Variants in ABCC4 observed in about 807,000 individuals in gnomAD.
ABCC4 encodes the protein ATP binding cassette subfamily C member 4 (PEL blood group), also known as ATP-binding cassette sub-family C member 4.
In ABCC4, 102 loss-of-function variants were observed where a neutral mutation model predicts 168.5. The observed-to-expected ratio is 0.61, with a 90% CI of 0.52 to 0.71. The LOEUF (loss-of-function observed/expected upper bound fraction) is 0.71, where lower values mean the gene tolerates loss of function less well. ABCC4 is among the 30% of genes least tolerant of loss of function. The probability of loss-of-function intolerance (pLI) is 0.00; values close to 1 mark genes in which losing one functional copy is unlikely to be tolerated. For missense variants in ABCC4, 1,402 were observed against 1,605.8 expected, an observed-to-expected ratio of 0.87 and a Z score of 2.17; for synonymous variants, 617 against 590.7, an observed-to-expected ratio of 1.04 and a Z score of -0.65.
chr13:95,170,440 TGAG>T (rs1453376909), intron 14 of ABCC4, 89 bp downstream of exon 14: 9 of 717,932 alleles, frequency 1.3e-5, no homozygotes, highest in Non-Finnish European at 2.0e-5. Flanking sequence ...ATCCCAGCTC[TGAG>T]AAGAAAGGAA....
intron 19 of ABCC4, among the ~76,000 whole-genome samples, chr13:95,159,469 T>C (rs1055248600): frequency 6.6e-6 from 1 of 151,598 alleles, no homozygotes; most frequent in African/African-American, 2.4e-5. Flanking sequence ...ACCTCCAAGA[T>C]TTAGACTGGG....
rs930160737 is a variant in ABCC4, at chr13:95,176,914, G to C, written c.1727+793C>G. Among the ~76,000 whole-genome samples, 4 of 152,324 alleles carry C rather than the reference G, an allele frequency of 2.6e-5. No individual in the cohort carries two copies. The South Asian group carries it at 6.2e-4, about 24-fold the overall frequency. ...AGGAAGTGTCAGTCGGCACACATGA[G>C]TTTATAGAATATACAGAAAAGATTC... On this transcript the variant is annotated intron_variant, in intron 13 of 30. Transcript: ENST00000645237.
intron 1 of ABCC4, among the ~76,000 whole-genome samples, chr13:95,282,461 G>C (rs16950894): frequency 0.017 from 2,590 of 152,252 alleles, 63 homozygotes; most frequent in African/African-American, 0.056. Context: ...GAAAATACCA[G>C]TGTGTCACAT....
At chr13:95,069,657 C>T (rs1253227207) in intron 25 of ABCC4, among the ~76,000 whole-genome samples, 1 of 152,128 alleles carries the variant, frequency 6.6e-6, no homozygotes, top group Non-Finnish European at 1.5e-5. Flanking sequence ...TTTCTGTCTC[C>T]ATGACTAACT....
intron 19 of ABCC4, among the ~76,000 whole-genome samples, chr13:95,143,089 G>A (rs1334285072): frequency 6.6e-6 from 1 of 152,120 alleles, no homozygotes; most frequent in Non-Finnish European, 1.5e-5. Context: ...ATTGGTACAT[G>A]TGTGACTCTA....
At chr13:95,198,997 T>C (rs2038541644) in intron 8 of ABCC4, among the ~76,000 whole-genome samples, 1 of 152,016 alleles carries the variant, frequency 6.6e-6, no homozygotes, top group Non-Finnish European at 1.5e-5. Context: ...TTAGGACAAA[T>C]ACTGAATGCA....
chr13:95,256,997 C>A (rs1307077227), intron 1 of ABCC4, among the ~76,000 whole-genome samples: 2 of 152,180 alleles, frequency 1.3e-5, no homozygotes, highest in South Asian at 2.1e-4. Context: ...GAATAATATA[C>A]AATTGATCCT....
At chr13:95,237,058 T>C (rs959450468) in intron 3 of ABCC4, among the ~76,000 whole-genome samples, 1 of 152,160 alleles carries the variant, frequency 6.6e-6, no homozygotes, top group Non-Finnish European at 1.5e-5. Context: ...TGTTACCTGT[T>C]ACACGCTTCT....
intron 19 of ABCC4, among the ~76,000 whole-genome samples, chr13:95,122,622 G>A (rs781151255): frequency 4.2e-4 from 64 of 152,224 alleles, no homozygotes; most frequent in South Asian, 1.9e-3. Flanking sequence ...GTTCCCATCA[G>A]GGGGCCTTCC....
At chr13:95,243,921 T>A (rs1372186811) in intron 3 of ABCC4, among the ~76,000 whole-genome samples, 1 of 148,336 alleles carries the variant, frequency 6.7e-6, no homozygotes, top group African/African-American at 2.5e-5. Flanking sequence ...GAGTTCGTGG[T>A]CAACCTGAAT....
intron 24 of ABCC4, 107 bp from the exon 25 acceptor site, chr13:95,071,960 A>G: frequency 1.1e-6 from 1 of 898,500 alleles, no homozygotes; most frequent in Non-Finnish European, 1.6e-6. Flanking sequence ...TTGGTTAAGG[A>G]GAGAAGCAGG....
chr13:95,126,737 A>ATATG (rs2035782896), intron 19 of ABCC4, among the ~76,000 whole-genome samples: 1 of 130,732 alleles, frequency 7.6e-6, no homozygotes, highest in Non-Finnish European at 1.6e-5. Context: ...ATATATATAT[A>ATATG]TATATATATA....
chr13:95,211,364 G>A (rs983938579), intron 4 of ABCC4, among the ~76,000 whole-genome samples: 1 of 152,282 alleles, frequency 6.6e-6, no homozygotes, highest in Admixed American at 6.5e-5. Context: ...CCAGACACCT[G>A]TGATTCAACT....
chr13:95,074,580 T>C (rs770764727), intron 22 of ABCC4, among the ~76,000 whole-genome samples: 2 of 152,164 alleles, frequency 1.3e-5, no homozygotes, highest in South Asian at 2.1e-4. Flanking sequence ...CTGAGAAAAG[T>C]AGTCTCATAA....
At chr13:95,152,504 G>A (rs1355688201) in intron 19 of ABCC4, among the ~76,000 whole-genome samples, 1 of 152,138 alleles carries the variant, frequency 6.6e-6, no homozygotes, top group East Asian at 1.9e-4. Flanking sequence ...GGAAAACAAG[G>A]CAAGGAAGAC....
At chr13:95,120,325 G>C (rs112411014) in intron 19 of ABCC4, among the ~76,000 whole-genome samples, 5,417 of 152,224 alleles carry the variant, frequency 0.036, 142 homozygotes, top group Non-Finnish European at 0.053. Context: ...CCAGCACTTT[G>C]GGAGGCTGAG....
intron 14 of ABCC4, 47 bp from the exon 15 acceptor site, chr13:95,166,414 A>G: frequency 6.8e-7 from 1 of 1,472,470 alleles, no homozygotes; most frequent in African/African-American, 1.4e-5. Flanking sequence ...TGCAGGTGAT[A>G]ATGTTAACCT....
intron 13 of ABCC4, among the ~76,000 whole-genome samples, chr13:95,176,429 A>C (rs930444850): frequency 6.6e-6 from 1 of 152,104 alleles, no homozygotes; most frequent in Non-Finnish European, 1.5e-5. Flanking sequence ...CAGGAGGTCG[A>C]GGCTGCAGTG....
chr13:95,247,029 G>A lies in ABCC4; in HGVS notation c.252C>T (p.Ile84=). The change falls in exon 3 of 31, where the codon ATC becomes ATT. Residue 84 remains isoleucine (I), a synonymous_variant. Coordinates refer to ENST00000645237, the MANE Select transcript of ABCC4 (RefSeq NM_005845.5). Reference sequence around the variant, plus strand: ...AATAAGATTTCCAGTAACACTTTATGATTGCTCTTGTTAAAGAAGGCTTCT... The same window carrying A: ...AATAAGATTTCCAGTAACACTTTATAATTGCTCTTGTTAAAGAAGGCTTCT... The part of the protein sequence containing the change: ...DAQKPSLTRA[I]IKCYWKSYLV... The A allele has an allele frequency of 3.1e-6, 5 of 1,612,026 alleles. No homozygotes were observed. Among genetic ancestry groups the A allele is most frequent in the Non-Finnish European group, 4.2e-6 (5 of 1,178,130 alleles).
Sources: allele counts gnomAD v4.1 joint callset (sites outside exome capture counted in the v4.1 genomes callset), GRCh38; gene constraint gnomAD v4.1.1; transcripts MANE v1.5; gene names NCBI Gene and HGNC (gene_info 2026-07-23, HGNC 2026-07-21).